The following MYO1D variants were observed in gnomAD, a reference collection of about 807,000 sequenced individuals.
MYO1D encodes the protein myosin ID, also known as unconventional myosin-Id.
In MYO1D, 83 loss-of-function variants were observed where a neutral mutation model predicts 122.0. The observed-to-expected ratio is 0.68, with a 90% CI of 0.57 to 0.82. MYO1D has a LOEUF of 0.82. Among genes scored for constraint, MYO1D ranks in the 40% least tolerant of loss-of-function variants. MYO1D has a pLI of 0.00. For synonymous variants in MYO1D, 464 were observed against 446.9 expected (o/e 1.04, Z -0.48); for missense variants, 1,157 against 1,269.5 (o/e 0.91, Z 1.35).
intron 20 of MYO1D, among the ~76,000 whole-genome samples, chr17:32,618,917 G>T (rs2150924155): frequency 6.6e-6 from 1 of 152,284 alleles, no homozygotes; most frequent in Middle Eastern, 3.4e-3. Flanking sequence ...TTACAGGCGT[G>T]AGTCACTGTG....
intron 1 of MYO1D, among the ~76,000 whole-genome samples, chr17:32,824,944 G>C (rs1439677056): frequency 2.6e-5 from 4 of 152,192 alleles, no homozygotes; most frequent in Admixed American, 2.6e-4. Context: ...AGAATTCGTG[G>C]AGGAGAGGAA....
At chr17:32,575,845 C>T (rs914411816) in intron 21 of MYO1D, among the ~76,000 whole-genome samples, 3 of 152,132 alleles carry the variant, frequency 2.0e-5, no homozygotes, top group Non-Finnish European at 1.5e-5. Context: ...ATCAACCTGC[C>T]GGGGATAGCA....
At chr17:32,760,432 C>T in intron 9 of MYO1D, 28 bp from the exon 10 acceptor site, 2 of 1,604,088 alleles carry the variant, frequency 1.2e-6, no homozygotes, top group African/African-American at 2.7e-5. Flanking sequence ...AATTAAGTTT[C>T]AACAAATAGA....
In MYO1D at chr17:32,578,899, G is replaced by C. The variant is rs913762772; in HGVS notation, c.2864+26188C>G. Among the ~76,000 whole-genome samples, 4 of 151,964 alleles carry C rather than the reference G, an allele frequency of 2.6e-5. No individual in the cohort carries two copies. The South Asian group carries it at 8.3e-4, about 32-fold the overall frequency. ...CTTGATGACTTCCTCCTGCTTTGGC[G>C]TAACTTCAGACTCATTTACATTCCC... On this transcript the variant is annotated intron_variant, in intron 21 of 21. Transcript: ENST00000318217.
chr17:32,723,938 G>T (rs1279293827), intron 14 of MYO1D, among the ~76,000 whole-genome samples: 1 of 151,966 alleles, frequency 6.6e-6, no homozygotes, highest in Non-Finnish European at 1.5e-5. Flanking sequence ...TTAAATTTTG[G>T]TATATTTTAT....
intron 1 of MYO1D, among the ~76,000 whole-genome samples, chr17:32,823,475 A>G (rs2090693575): frequency 6.6e-6 from 1 of 152,200 alleles, no homozygotes; most frequent in Non-Finnish European, 1.5e-5. Flanking sequence ...CTGAATTTCA[A>G]TCTAGACAAC....
chr17:32,523,933 G>C (rs910644504), intron 21 of MYO1D, among the ~76,000 whole-genome samples: 1 of 152,206 alleles, frequency 6.6e-6, no homozygotes, highest in African/African-American at 2.4e-5. Context: ...ATGAAATGGG[G>C]ATGACGATAG....
intron 14 of MYO1D, among the ~76,000 whole-genome samples, chr17:32,725,795 A>G (rs1194937308): frequency 1.3e-5 from 2 of 151,550 alleles, no homozygotes; most frequent in African/African-American, 4.9e-5. Flanking sequence ...TATTTAAAAA[A>G]AAATCTACAC....
rs553387833 is a variant in MYO1D, at chr17:32,509,797, C to A, written c.2865-14882G>T. 3.2e-4 allele frequency among the ~76,000 whole-genome samples: 48 copies of A among 152,130 alleles called. 1 individual carries two copies. The highest frequency in any genetic ancestry group is 1.1e-3 in the African/African-American group (46 of 41,474). On this transcript the variant is annotated intron_variant, in intron 21 of 21. Coordinates refer to ENST00000318217, the MANE Select transcript of MYO1D (RefSeq NM_015194.3). Reference sequence around the variant, plus strand: ...AGAGACGGGGTTTCACCATGTTGGCCAGGATGGTCTCGATCTCCTGACCTC... The same window carrying A: ...AGAGACGGGGTTTCACCATGTTGGCAAGGATGGTCTCGATCTCCTGACCTC...
intron 3 of MYO1D, among the ~76,000 whole-genome samples, chr17:32,777,432 A>G (rs905522523): frequency 6.6e-6 from 1 of 152,050 alleles, no homozygotes; most frequent in African/African-American, 2.4e-5. Flanking sequence ...GAAGTAACCA[A>G]TTAGGAAAAC....
At chr17:32,749,833 G>A (rs1235769685) in intron 11 of MYO1D, among the ~76,000 whole-genome samples, 1 of 152,158 alleles carries the variant, frequency 6.6e-6, no homozygotes, top group Non-Finnish European at 1.5e-5. Flanking sequence ...CATACTGAAG[G>A]AGGACTTAAG....
intron 21 of MYO1D, among the ~76,000 whole-genome samples, chr17:32,553,875 G>C (rs1360603971): frequency 6.6e-6 from 1 of 152,076 alleles, no homozygotes; most frequent in African/African-American, 2.4e-5. Flanking sequence ...TGGGGTCCAG[G>C]CTCCCCGTTC....
chr17:32,839,123 A>G (rs1239778230), intron 1 of MYO1D, among the ~76,000 whole-genome samples: 2 of 152,222 alleles, frequency 1.3e-5, no homozygotes, highest in Non-Finnish European at 2.9e-5. Context: ...GAACACCTTA[A>G]TAGTTTGTCT....
chr17:32,653,090 C>T (rs1221856454), intron 19 of MYO1D, among the ~76,000 whole-genome samples: 2 of 150,788 alleles, frequency 1.3e-5, no homozygotes, highest in Non-Finnish European at 2.9e-5. Flanking sequence ...TGCAGTGAGC[C>T]GAGATTGCAC....
intron 16 of MYO1D, among the ~76,000 whole-genome samples, chr17:32,689,715 G>A (rs568324984): frequency 1.3e-5 from 2 of 151,824 alleles, no homozygotes; most frequent in East Asian, 3.9e-4. Context: ...TGGCTGCATA[G>A]TTTTCCTGTC....
intron 21 of MYO1D, among the ~76,000 whole-genome samples, chr17:32,579,616 C>G (rs1481337976): frequency 6.6e-6 from 1 of 152,202 alleles, no homozygotes; most frequent in Non-Finnish European, 1.5e-5. Context: ...CTATCCATTA[C>G]TCCCCAAAGG....
chr17:32,541,791 C>G (rs1910844163), intron 21 of MYO1D, among the ~76,000 whole-genome samples: 1 of 152,090 alleles, frequency 6.6e-6, no homozygotes, highest in African/African-American at 2.4e-5. Flanking sequence ...TAGGCCCCTG[C>G]CTATCTCTAA....
chr17:32,662,430 T>C (rs1229396966), intron 16 of MYO1D, among the ~76,000 whole-genome samples: 2 of 152,170 alleles, frequency 1.3e-5, no homozygotes, highest in Non-Finnish European at 2.9e-5. Flanking sequence ...CTCGGCACTT[T>C]GGGAGGCCAA....
At chr17:32,531,058 C>T (rs763684961) in intron 21 of MYO1D, among the ~76,000 whole-genome samples, 8 of 152,226 alleles carry the variant, frequency 5.3e-5, no homozygotes, top group South Asian at 2.1e-4. Context: ...CAGCATAGGC[C>T]GACACTCCCC....
Sources: gnomAD v4.1 joint callset for allele counts (sites outside exome capture counted in the v4.1 genomes callset) on GRCh38, gnomAD v4.1.1 for gene constraint, MANE v1.5 for transcripts, NCBI Gene and HGNC (gene_info 2026-07-23, HGNC 2026-07-21) for gene names.